The following COL6A5 variants were observed in gnomAD, a reference collection of about 807,000 sequenced individuals.
The protein encoded by COL6A5 is collagen alpha-5(VI) chain.
A neutral mutation model predicts 65.6 loss-of-function variants in COL6A5; 48 were observed. The ratio of observed to expected loss-of-function variants is 0.73; its 90% confidence interval spans 0.58 to 0.93. COL6A5 has a LOEUF of 0.93. Ranked by LOEUF, COL6A5 falls within the 40% of genes least tolerant of loss-of-function variation. The probability of loss-of-function intolerance (pLI) is 0.00; values close to 1 mark genes in which losing one functional copy is unlikely to be tolerated. For missense variants in COL6A5, 914 were observed against 928.3 expected, an observed-to-expected ratio of 0.98 and a Z score of 0.20; for synonymous variants, 291 against 322.8, an observed-to-expected ratio of 0.90 and a Z score of 1.05.
intron 5 of COL6A5, 128 bp from the exon 38 acceptor site, chr3:130,468,667 T>C (rs1290636987): frequency 3.0e-6 from 2 of 659,754 alleles, no homozygotes; most frequent in East Asian, 2.7e-5. Flanking sequence ...AATGTGATTA[T>C]TGATGTCTGC....
At chr3:130,365,911 A>C (rs1935318633) in intron 1 of COL6A5, among the ~76,000 whole-genome samples, 1 of 152,178 alleles carries the variant, frequency 6.6e-6, no homozygotes, top group African/African-American at 2.4e-5. Flanking sequence ...ATTGAGAATC[A>C]CCAGCCCACA....
exon 6 of COL6A5, chr3:130,468,932 G>A: frequency 6.2e-7 from 1 of 1,612,614 alleles, no homozygotes; most frequent in South Asian, 1.1e-5. Flanking sequence ...GTTTAAGGAA[G>A]TAAAAGCTTT....
rs1038805774 is a variant in COL6A5, at chr3:130,418,848, T to G, written c.4888-21T>G. On this transcript the variant is annotated intron_variant and NMD_transcript_variant, in intron 24 of 41. Coordinates refer to the COL6A5 transcript ENST00000312481. Reference sequence around the variant, plus strand: ...AGGTTTGATTTTACTGATCTGAAGCTCTTCTTGTCCCACTTACTAGGGAGA... The same window carrying G: ...AGGTTTGATTTTACTGATCTGAAGCGCTTCTTGTCCCACTTACTAGGGAGA... The G allele has an allele frequency of 3.2e-6, 5 of 1,546,090 alleles. No individual in the cohort carries two copies. The Admixed American group carries it at 5.9e-5, about 18-fold the overall frequency.
At chr3:130,444,019 C>T (rs1411764296) in intron 4 of COL6A5, among the ~76,000 whole-genome samples, 1 of 152,088 alleles carries the variant, frequency 6.6e-6, no homozygotes, top group Non-Finnish European at 1.5e-5. Context: ...AGAGGCCCAC[C>T]CTCAGGGGCG....
intron 18 of COL6A5, 76 bp downstream of exon 18, chr3:130,409,464 C>T (rs1399599811): frequency 4.0e-6 from 5 of 1,257,166 alleles, no homozygotes; most frequent in Non-Finnish European, 5.5e-6. Flanking sequence ...CTTTGTGTTT[C>T]CTGCCTACCC....
At chr3:130,360,161 A>G (rs1254689571) in intron 1 of COL6A5, among the ~76,000 whole-genome samples, 5 of 152,090 alleles carry the variant, frequency 3.3e-5, no homozygotes. Flanking sequence ...TCCAAATTAC[A>G]TGCTCTTCCT....
chr3:130,395,699 G>T (rs1318809074), intron 8 of COL6A5, among the ~76,000 whole-genome samples: 2 of 152,200 alleles, frequency 1.3e-5, no homozygotes, highest in Non-Finnish European at 2.9e-5. Flanking sequence ...CCTGGGCTGT[G>T]TCCTCTGGTC....
At chr3:130,370,525 C>T (rs1009471730) in intron 1 of COL6A5, among the ~76,000 whole-genome samples, 8 of 152,092 alleles carry the variant, frequency 5.3e-5, no homozygotes, top group Non-Finnish European at 7.4e-5. Flanking sequence ...CAAATTTCAC[C>T]CTGTTCCCAG....
chr3:130,386,761 A>G (rs1188876376), intron 5 of COL6A5, among the ~76,000 whole-genome samples: 1 of 152,010 alleles, frequency 6.6e-6, no homozygotes, highest in Non-Finnish European at 1.5e-5. Flanking sequence ...AGGTAGTTGC[A>G]GTTGAAGTAG....
chr3:130,372,847 A>C (rs1448416672), intron 1 of COL6A5, among the ~76,000 whole-genome samples: 1 of 152,164 alleles, frequency 6.6e-6, no homozygotes, highest in Admixed American at 6.6e-5. Context: ...GACTCTAAAA[A>C]TCAGCCCTTA....
chr3:130,419,027 C>T lies in COL6A5; in HGVS notation c.4950+96C>T, dbSNP rs13321423. 0.046 allele frequency: 40,248 copies of T among 883,330 alleles called. 3,883 individuals are homozygous for T. Among genetic ancestry groups the T allele is most frequent in the East Asian group, 0.38 (14,186 of 37,750 alleles). The allele number at this position is 883,330 out of a possible 1,614,324, so 54.7% of individuals were successfully genotyped here. ...ACACCTTCAGCCCAATTATGGGGGG[C>T]ATGAAAGGTATTTCAGCATCTAGGA... On this transcript the variant is annotated intron_variant and NMD_transcript_variant, in intron 25 of 41. Coordinates refer to the COL6A5 transcript ENST00000312481.
chr3:130,471,054 C>A, intron 7 of COL6A5, 87 bp downstream of exon 39: 2 of 930,904 alleles, frequency 2.1e-6, no homozygotes, highest in Non-Finnish European at 3.4e-6. Context: ...TTTTAGTTTT[C>A]AAGATCCAAG....
chr3:130,440,247 A>G lies in COL6A5; in HGVS notation c.665A>G (p.Asn222Ser), dbSNP rs749959502. 88 of 1,613,232 alleles carry G rather than the reference A, an allele frequency of 5.5e-5. No individual in the cohort carries two copies. Among genetic ancestry groups the G allele is most frequent in the Non-Finnish European group, 7.3e-5 (86 of 1,179,660 alleles). The change falls in exon 3 of 8, where the codon AAT becomes AGT. Residue 222 changes from asparagine to serine, a missense_variant. Transcript: ENST00000512836. Reference sequence around the variant, plus strand: ...ATGGATGTAGTCTTCCTCATAGACAATTCTCGGAATATAGCAAAGGATGAG... The same window carrying G: ...ATGGATGTAGTCTTCCTCATAGACAGTTCTCGGAATATAGCAAAGGATGAG...
At chr3:130,377,091 C>A (rs1336160459) in intron 3 of COL6A5, among the ~76,000 whole-genome samples, 2 of 152,174 alleles carry the variant, frequency 1.3e-5, no homozygotes, top group African/African-American at 4.8e-5. Context: ...TCCCTACATT[C>A]TTTTCCTCTT....
At chr3:130,468,934 A>G in exon 6 of COL6A5, 1 of 1,612,650 alleles carries the variant, frequency 6.2e-7, no homozygotes, top group Non-Finnish European at 8.5e-7. Context: ...TTAAGGAAGT[A>G]AAAGCTTTTA....
chr3:130,378,422 C>T (rs1935865385), intron 3 of COL6A5, among the ~76,000 whole-genome samples: 1 of 152,178 alleles, frequency 6.6e-6, no homozygotes, highest in Non-Finnish European at 1.5e-5. Flanking sequence ...CAAAACTATC[C>T]TTGTCATTCC....
chr3:130,477,287 C>T (rs1052536150), intron 7 of COL6A5: 19 of 475,306 alleles, frequency 4.0e-5, no homozygotes, highest in African/African-American at 3.5e-4. Context: ...TTTGAATTAT[C>T]TAAGTTTGAT....
In COL6A5 at chr3:130,483,993, T is replaced by C. The variant is rs371062704; in HGVS notation, c.2329-42T>C. On this transcript the variant is annotated intron_variant, in intron 7 of 7. Transcript: ENST00000512836. ...GCCCTGGAGGAACATTTTGAACAAA[T>C]ACAATGACATTAAAAGCAGTGAATA... The C allele has an allele frequency of 1.4e-4, 229 of 1,580,030 alleles. 1 individual carries two copies. Among genetic ancestry groups the C allele is most frequent in the African/African-American group, 1.2e-3 (91 of 74,470 alleles).
At chr3:130,410,603 C>A in intron 20 of COL6A5, 79 bp downstream of exon 20, 1 of 1,238,468 alleles carries the variant, frequency 8.1e-7, no homozygotes, top group Non-Finnish European at 1.1e-6. Flanking sequence ...TTGTTGTGCA[C>A]AGTTGGCTGA....
Sources: allele counts gnomAD v4.1 joint callset (sites outside exome capture counted in the v4.1 genomes callset), GRCh38; gene constraint gnomAD v4.1.1; transcripts MANE v1.5; gene names NCBI Gene and HGNC (gene_info 2026-07-23, HGNC 2026-07-21).